DTL: variants seen among roughly 807,000 people sequenced by gnomAD.
The protein encoded by DTL is denticleless protein homolog.
Under a neutral mutation model 87.0 loss-of-function variants are expected in DTL, and 46 were observed. The ratio of observed to expected loss-of-function variants is 0.53; its 90% CI spans 0.42 to 0.68. The LOEUF (loss-of-function observed/expected upper bound fraction) is 0.68, where lower values mean the gene tolerates loss of function less well. Among genes scored for constraint, DTL ranks in the 30% least tolerant of loss-of-function variants. The pLI is 0.00. For missense variants in DTL, 737 were observed against 869.4 expected (o/e 0.85, Z 1.91); for synonymous variants, 308 against 311.2 (o/e 0.99, Z 0.11).
chr1:212,092,263 A>C (rs973096816), intron 13 of DTL, among the ~76,000 whole-genome samples: 17 of 152,172 alleles, frequency 1.1e-4, no homozygotes, highest in Non-Finnish European at 1.5e-5. Context: ...GGCCAGGCGC[A>C]GTGGCTCATG....
At chr1:212,077,303 G>A (rs979106447) in intron 11 of DTL, among the ~76,000 whole-genome samples, 1 of 152,148 alleles carries the variant, frequency 6.6e-6, no homozygotes, top group African/African-American at 2.4e-5. Flanking sequence ...TGAGTCAGCT[G>A]TATGATGCTG....
chr1:212,068,548 A>G, intron 9 of DTL, 51 bp from the exon 10 acceptor site: 3 of 1,178,006 alleles, frequency 2.5e-6, no homozygotes, highest in Non-Finnish European at 3.8e-6. Flanking sequence ...TTTTAACCTC[A>G]GATCTACTCA....
intron 14 of DTL, 75 bp downstream of exon 14, chr1:212,101,159 TG>T: frequency 1.1e-6 from 1 of 876,050 alleles, no homozygotes; most frequent in Non-Finnish European, 1.5e-6. Flanking sequence ...CAAGTCAGGA[TG>T]CTTTTTTTTT....
intron 13 of DTL, chr1:212,099,415 G>T (rs1056946199): frequency 3.9e-5 from 6 of 152,296 alleles, no homozygotes; most frequent in African/African-American, 1.4e-4. Context: ...TGTATTTTTA[G>T]TAGAGACAGG....
rs183977531 is a variant in DTL, at chr1:212,075,988, G to A, written c.1036-2185G>A. ...ACAAAATCAGCATTTTGTGTGTGAC[G>A]TCTTTTACTTAGCATAATATCGAGG... On this transcript the variant is annotated intron_variant, in intron 11 of 14. Coordinates refer to ENST00000366991, the MANE Select transcript of DTL (RefSeq NM_016448.4). 3.9e-3 allele frequency among the ~76,000 whole-genome samples: 586 copies of A among 152,176 alleles called. 4 individuals carry two copies. The highest frequency in any genetic ancestry group is 6.8e-3 in the Middle Eastern group (2 of 294).
At position 212,095,142 on chromosome 1, in the gene DTL, G is replaced by A. The variant is rs372611136; in HGVS notation, c.1262-5110G>A. ...TTCCACTACTATGTTGAATAGAAGT[G>A]GTGAAAGTGGGCATCCTTGTCTTTT... On this transcript the variant is annotated intron_variant, in intron 13 of 14. Coordinates refer to ENST00000366991, the MANE Select transcript of DTL (RefSeq NM_016448.4). Among the ~76,000 whole-genome samples, 55 of 152,244 alleles carry A rather than the reference G, an allele frequency of 3.6e-4. 2 individuals carry two copies. In the South Asian group the frequency reaches 0.011, roughly 30 times the overall value.
chr1:212,064,372 T>C (rs1477199165), intron 6 of DTL, among the ~76,000 whole-genome samples: 1 of 152,222 alleles, frequency 6.6e-6, no homozygotes, highest in African/African-American at 2.4e-5. Context: ...CAACACATGC[T>C]GTCACTCAGA....
At chr1:212,078,325 A>G in intron 12 of DTL, 63 bp downstream of exon 12, 1 of 1,076,540 alleles carries the variant, frequency 9.3e-7, no homozygotes, top group Non-Finnish European at 1.4e-6. Flanking sequence ...GGTTTTTCTA[A>G]GGTTTGTTTT....
chr1:212,040,599 G>A (rs1204003563), intron 1 of DTL, among the ~76,000 whole-genome samples: 1 of 152,214 alleles, frequency 6.6e-6, no homozygotes, highest in African/African-American at 2.4e-5. Context: ...CCTACAACAT[G>A]AAGAGATGAA....
At chr1:212,047,969 C>T (rs1172418222) in intron 5 of DTL, among the ~76,000 whole-genome samples, 1 of 152,196 alleles carries the variant, frequency 6.6e-6, no homozygotes, top group Non-Finnish European at 1.5e-5. Context: ...TAATCTTGCA[C>T]ATAAGGTAAA....
intron 11 of DTL, among the ~76,000 whole-genome samples, chr1:212,076,737 G>A (rs1654842021): frequency 6.6e-6 from 1 of 152,154 alleles, no homozygotes; most frequent in Non-Finnish European, 1.5e-5. Flanking sequence ...AGGAGGAAAG[G>A]AAAATTTCTG....
intron 9 of DTL, 60 bp downstream of exon 9, chr1:212,068,387 AGGC>A: frequency 2.0e-6 from 2 of 977,776 alleles, no homozygotes; most frequent in African/African-American, 1.6e-5. Context: ...AAAAAAAAAA[AGGC>A]TAATTTCCAG....
intron 10 of DTL, among the ~76,000 whole-genome samples, chr1:212,070,610 C>CAA (rs574962254): frequency 1.5e-5 from 2 of 137,212 alleles, no homozygotes; most frequent in African/African-American, 2.7e-5. Context: ...GACCCTGTCT[C>CAA]AAAAAAAAAA....
At chr1:212,044,940 A>G (rs552064736) in intron 3 of DTL, among the ~76,000 whole-genome samples, 182 bp downstream of exon 3, 46 of 152,354 alleles carry the variant, frequency 3.0e-4, no homozygotes, top group East Asian at 5.8e-4. Context: ...CTAGAATAGT[A>G]GACATCTGGT....
chr1:212,059,483 TAAA>T lies in DTL; in HGVS notation c.461-3397_461-3395del, dbSNP rs1668274708. On this transcript the variant is annotated intron_variant, in intron 5 of 14. Coordinates refer to ENST00000366991, the MANE Select transcript of DTL (RefSeq NM_016448.4). ...ATAAAATTCAGCATCTCCTCCGAATTAAAAAACTCAACCAACTAGGCATGGAAG... is the reference window on the plus strand; with the variant it reads ...ATAAAATTCAGCATCTCCTCCGAATTAAACTCAACCAACTAGGCATGGAAG... Among the ~76,000 whole-genome samples the T allele has an allele frequency of 2.0e-5, 3 of 150,552 alleles. No homozygotes were observed. In the South Asian group the frequency reaches 6.2e-4, roughly 31 times the overall value.
intron 5 of DTL, among the ~76,000 whole-genome samples, chr1:212,050,960 A>G (rs1008313820): frequency 2.6e-5 from 4 of 152,066 alleles, no homozygotes; most frequent in African/African-American, 7.2e-5. Context: ...TAGAATTTCA[A>G]TAAAAGTCTT....
At chr1:212,044,277 T>C (rs536543290) in intron 2 of DTL, among the ~76,000 whole-genome samples, 1 of 152,300 alleles carries the variant, frequency 6.6e-6, no homozygotes, top group East Asian at 1.9e-4. Context: ...TAAGAGATTA[T>C]CTGAAGAAAA....
At chr1:212,098,404 C>CG (rs1185513489) in intron 13 of DTL, among the ~76,000 whole-genome samples, 1 of 152,098 alleles carries the variant, frequency 6.6e-6, no homozygotes, top group Non-Finnish European at 1.5e-5. Flanking sequence ...AGTAGTATAG[C>CG]GGGGGATATA....
At chr1:212,093,536 T>G (rs1571982011) in intron 13 of DTL, among the ~76,000 whole-genome samples, 1 of 152,106 alleles carries the variant, frequency 6.6e-6, no homozygotes, top group African/African-American at 2.4e-5. Context: ...TCCCCTGGAG[T>G]TGGGCCCTTG....
Sources: gnomAD v4.1 joint callset for allele counts (sites outside exome capture counted in the v4.1 genomes callset) on GRCh38, gnomAD v4.1.1 for gene constraint, MANE v1.5 for transcripts, NCBI Gene and HGNC (gene_info 2026-07-23, HGNC 2026-07-21) for gene names.